The following PEX7 variants were observed in gnomAD, a reference collection of about 807,000 sequenced individuals.
The protein encoded by PEX7 is peroxisomal biogenesis factor 7, also known as PTS2 receptor.
In PEX7, 34 loss-of-function variants were observed where a neutral mutation model predicts 47.5. That is an observed-to-expected ratio of 0.72 (90% CI 0.54 to 0.95). The LOEUF (loss-of-function observed/expected upper bound fraction) is 0.95. PEX7 is among the 40% of genes least tolerant of loss of function. PEX7 has a pLI of 0.00. For synonymous variants in PEX7, 141 were observed against 148.8 expected (o/e 0.95, Z 0.38); for missense variants, 394 against 400.3 (o/e 0.98, Z 0.13).
intron 3 of PEX7, among the ~76,000 whole-genome samples, chr6:136,828,199 G>A (rs1043915598): frequency 6.6e-6 from 1 of 152,032 alleles, no homozygotes; most frequent in Non-Finnish European, 1.5e-5. Context: ...TGGGGTTGAT[G>A]GCTACTTTAG....
intron 8 of PEX7, among the ~76,000 whole-genome samples, chr6:136,873,795 A>G (rs1030560078): frequency 9.8e-5 from 15 of 152,322 alleles, no homozygotes; most frequent in African/African-American, 3.6e-4. Flanking sequence ...CTAAGAAAGT[A>G]TGCATGAATT....
At chr6:136,862,718 A>G (rs1202051183) in intron 5 of PEX7, among the ~76,000 whole-genome samples, 6 of 152,174 alleles carry the variant, frequency 3.9e-5, no homozygotes, top group Admixed American at 3.9e-4. Flanking sequence ...AAGAGGACAG[A>G]CATTATTTTT....
intron 8 of PEX7, among the ~76,000 whole-genome samples, chr6:136,876,030 T>A (rs1193542921): frequency 7.2e-6 from 1 of 138,650 alleles, no homozygotes; most frequent in Admixed American, 7.7e-5. Context: ...ATATTTTCAA[T>A]TCTTTCATTA....
chr6:136,822,808 C>A lies in PEX7; in HGVS notation c.130+13C>A, dbSNP rs886061120. ...TACGGCATCGCGGGTGAGGCGGCGC[C>A]GCGCAGCTGGGGCCGGGGGGCGGAG... is the stretch of plus-strand genomic sequence containing the variant. On this transcript the variant is annotated intron_variant, in intron 1 of 9. Coordinates refer to ENST00000318471, the MANE Select transcript of PEX7 (RefSeq NM_000288.4). The A allele has an allele frequency of 7.9e-5, 101 of 1,278,412 alleles. No homozygotes were observed. Among genetic ancestry groups the A allele is most frequent in the Non-Finnish European group, 9.3e-5 (95 of 1,018,822 alleles). 79.2% of individuals were successfully genotyped at this position (1,278,412 alleles called of 1,614,324 possible).
At chr6:136,831,635 A>G (rs112756862) in intron 3 of PEX7, among the ~76,000 whole-genome samples, 17 of 152,378 alleles carry the variant, frequency 1.1e-4, no homozygotes, top group Non-Finnish European at 2.1e-4. Context: ...AAAATAAAAA[A>G]CAAGTTAGTT....
intron 7 of PEX7, among the ~76,000 whole-genome samples, chr6:136,871,308 C>G (rs1036154517): frequency 1.3e-5 from 2 of 152,154 alleles, no homozygotes; most frequent in African/African-American, 2.4e-5. Context: ...TACATTATTA[C>G]TCATCTAGAA....
At chr6:136,893,718 G>A (rs1582774628) in intron 8 of PEX7, among the ~76,000 whole-genome samples, 1 of 152,316 alleles carries the variant, frequency 6.6e-6, no homozygotes, top group East Asian at 1.9e-4. Flanking sequence ...ATGGAGAGGA[G>A]TATATAGTGA....
Position 136,913,469 on chromosome 6 carries a change from T to G in PEX7, c.915T>G (p.Cys305Trp). ...TTTTTGTTTTCTAGGTGGCTGACTG[T>G]TCTTGGGATGAAACAATAAAGATCT... The part of the protein sequence containing the change: ...SLQSPTQVAD[C>W]SWDETIKIYD... The change falls in exon 10 of 10, where the codon TGT becomes TGG. Residue 305 changes from cysteine (C) to tryptophan (W), a missense_variant. Coordinates refer to ENST00000318471, the MANE Select transcript of PEX7 (RefSeq NM_000288.4). The G allele has an allele frequency of 6.2e-7, 1 of 1,611,726 alleles. No individual in the cohort carries two copies. Among genetic ancestry groups the G allele is most frequent in the Non-Finnish European group, 8.5e-7 (1 of 1,178,232 alleles).
At chr6:136,903,173 C>T (rs1775782333) in intron 9 of PEX7, among the ~76,000 whole-genome samples, 1 of 152,020 alleles carries the variant, frequency 6.6e-6, no homozygotes, top group Non-Finnish European at 1.5e-5. Context: ...GAAGTGACTA[C>T]CCCTGTATAA....
chr6:136,882,175 CTTT>C (rs35653586), intron 8 of PEX7, among the ~76,000 whole-genome samples: 1 of 104,308 alleles, frequency 9.6e-6, no homozygotes, highest in Non-Finnish European at 1.9e-5. Context: ...TCTTCTTCTT[CTTT>C]TTTTTTTTTT....
intron 3 of PEX7, among the ~76,000 whole-genome samples, chr6:136,826,833 T>A (rs915197977): frequency 1.3e-5 from 2 of 152,110 alleles, no homozygotes; most frequent in East Asian, 3.9e-4. Flanking sequence ...CATCACAAGA[T>A]TGCCTTTGGG....
intron 3 of PEX7, 151 bp from the exon 4 acceptor site, chr6:136,845,464 C>A (rs1310204894): frequency 2.9e-6 from 2 of 695,200 alleles, no homozygotes; most frequent in Non-Finnish European, 5.3e-6. Flanking sequence ...CTTTTCATTT[C>A]TCAGACACCT....
intron 3 of PEX7, among the ~76,000 whole-genome samples, chr6:136,840,318 T>A (rs1197254873): frequency 6.6e-6 from 1 of 152,226 alleles, no homozygotes; most frequent in African/African-American, 2.4e-5. Context: ...TGCTTTTTTT[T>A]CTTCCTCGCT....
intron 9 of PEX7, among the ~76,000 whole-genome samples, chr6:136,904,692 C>A (rs564543442): frequency 1.4e-5 from 2 of 143,734 alleles, no homozygotes; most frequent in Admixed American, 1.4e-4. Flanking sequence ...TCCTCCTTGT[C>A]TTCTGCCATG....
chr6:136,834,638 A>G (rs766100919), intron 3 of PEX7, among the ~76,000 whole-genome samples: 6 of 152,198 alleles, frequency 3.9e-5, no homozygotes, highest in Non-Finnish European at 7.3e-5. Context: ...GTGTACTAGG[A>G]GATGGTGTAA....
At chr6:136,855,476 A>C (rs1774844345) in intron 5 of PEX7, among the ~76,000 whole-genome samples, 2 of 151,546 alleles carry the variant, frequency 1.3e-5, no homozygotes, top group Non-Finnish European at 2.9e-5. Flanking sequence ...AGTAGCTGGG[A>C]TTACAGGCAC....
intron 9 of PEX7, among the ~76,000 whole-genome samples, chr6:136,904,521 G>A (rs1203628078): frequency 2.6e-5 from 4 of 152,112 alleles, no homozygotes; most frequent in Admixed American, 6.5e-5. Context: ...GGAGGAACCC[G>A]GTGGGAGGTG....
Position 136,898,171 on chromosome 6 carries a change from T to G in PEX7, c.833T>G (p.Leu278Arg). 1 of 1,612,020 alleles carries G rather than the reference T, an allele frequency of 6.2e-7. No individual in the cohort carries two copies. Among genetic ancestry groups the G allele is most frequent in the Non-Finnish European group, 8.5e-7 (1 of 1,178,138 alleles). The change falls in exon 9 of 10, where the codon CTT becomes CGT. Residue 278 changes from leucine to arginine, a missense_variant. By Grantham distance (102) the Leu-to-Arg change is moderately radical. Transcript: ENST00000318471. ...RFWNFSKPDS[L>R]LETVEHHTEF... ...TGGAACTTTTCAAAGCCTGACTCTC[T>G]TCTTGAAACAGTGGAGCATCATACA... is the stretch of plus-strand genomic sequence containing the variant.
chr6:136,832,912 T>A (rs77682970), intron 3 of PEX7, among the ~76,000 whole-genome samples: 8,428 of 152,288 alleles, frequency 0.055, 315 homozygotes, highest in Middle Eastern at 0.11. Context: ...CAGAACCATT[T>A]AAGAAGTCTT....
Sources: gnomAD v4.1 joint callset for allele counts (sites outside exome capture counted in the v4.1 genomes callset) on GRCh38, gnomAD v4.1.1 for gene constraint, MANE v1.5 for transcripts, NCBI Gene and HGNC (gene_info 2026-07-23, HGNC 2026-07-21) for gene names.